The following CEP112 variants were observed in gnomAD, a reference collection of about 807,000 sequenced individuals.
The protein encoded by CEP112 is centrosomal protein 112, also known as centrosomal protein of 112 kDa.
CEP112 carries 127 observed loss-of-function variants against 153.0 expected under a neutral mutation model. The ratio of observed to expected loss-of-function variants is 0.83; its 90% CI spans 0.72 to 0.96. CEP112 has a LOEUF of 0.96. Ranked by LOEUF, CEP112 falls within the 40% of genes least tolerant of loss-of-function variation. CEP112 has a pLI of 0.00. For missense variants in CEP112, 1,089 were observed against 1,101.2 expected (o/e 0.99, Z 0.16); for synonymous variants, 358 against 374.4 (o/e 0.96, Z 0.51).
rs373727444 is a variant in CEP112 at position 66,049,578 on chromosome 17, C to G, written c.1218+4158G>C. On this transcript the variant is annotated intron_variant, in intron 12 of 26. Transcript: ENST00000535342. ...CAGCCTGGCCAACATGGCAAAACTCCATCTCTACTAAAAATACAAAAATCA... is the reference window on the plus strand; with the variant it reads ...CAGCCTGGCCAACATGGCAAAACTCGATCTCTACTAAAAATACAAAAATCA... Among the ~76,000 whole-genome samples, 10 of 152,166 alleles carry G rather than the reference C, an allele frequency of 6.6e-5. No homozygotes were observed. The Middle Eastern group carries it at 0.014, about 207-fold the overall frequency.
At chr17:65,717,315 A>G (rs1225677760) in intron 23 of CEP112, among the ~76,000 whole-genome samples, 1 of 152,190 alleles carries the variant, frequency 6.6e-6, no homozygotes, top group Non-Finnish European at 1.5e-5. Context: ...TTCAGCACAC[A>G]TGTCCTGTCT....
chr17:65,891,953 C>T (rs2059482726), intron 20 of CEP112, among the ~76,000 whole-genome samples: 1 of 152,178 alleles, frequency 6.6e-6, no homozygotes, highest in Non-Finnish European at 1.5e-5. Flanking sequence ...TGTATCATAT[C>T]TCTCAATTTT....
At chr17:65,776,758 T>C (rs1431551362) in intron 21 of CEP112, among the ~76,000 whole-genome samples, 1 of 140,004 alleles carries the variant, frequency 7.1e-6, no homozygotes, top group African/African-American at 2.5e-5. Flanking sequence ...AGTCAATGGA[T>C]AGAAATGGTT....
intron 25 of CEP112, among the ~76,000 whole-genome samples, chr17:65,640,154 ATTTTT>A (rs529025836): frequency 1.3e-5 from 1 of 78,342 alleles, no homozygotes; most frequent in Non-Finnish European, 2.1e-5. Flanking sequence ...ATATATATAT[ATTTTT>A]TTTTTTTTTT....
intron 19 of CEP112, among the ~76,000 whole-genome samples, chr17:65,924,679 C>G (rs2060857751): frequency 6.6e-6 from 1 of 152,140 alleles, no homozygotes; most frequent in Non-Finnish European, 1.5e-5. Flanking sequence ...CCTACCTCTA[C>G]AAAATATGCT....
chr17:65,969,684 A>G (rs1182558182), intron 17 of CEP112, among the ~76,000 whole-genome samples: 1 of 152,218 alleles, frequency 6.6e-6, no homozygotes, highest in Non-Finnish European at 1.5e-5. Flanking sequence ...ATGCATGTGT[A>G]TTGTATGCAT....
rs192985079 is a variant in CEP112, at chr17:65,910,295, T to C, written c.1981-7961A>G. On this transcript the variant is annotated intron_variant, in intron 19 of 26. Transcript: ENST00000535342. ...AGAGGAGGACTGACAGGCTGAAAAG[T>C]AGTCAAAGAGAATTCATGAATATTA... is the stretch of plus-strand genomic sequence containing the variant. Among the ~76,000 whole-genome samples the C allele has an allele frequency of 7.2e-5, 11 of 152,256 alleles. No individual in the cohort carries two copies. The East Asian group carries it at 1.9e-3, about 27-fold the overall frequency.
In CEP112 at chr17:65,640,984, T is replaced by C. The variant is rs1309615531; in HGVS notation, c.2779A>G (p.Ile927Val). The C allele has an allele frequency of 3.7e-6, 6 of 1,601,650 alleles. No individual in the cohort carries two copies. The South Asian group carries it at 5.5e-5, about 15-fold the overall frequency. The change falls in exon 25 of 27, where the codon ATT becomes GTT. Residue 927 changes from isoleucine (I) to valine (V), a missense_variant. By Grantham distance (29) the Ile-to-Val change is conservative. Coordinates refer to ENST00000535342, the MANE Select transcript of CEP112 (RefSeq NM_001199165.4). ...ATTACCTGTGATTTTAGGGAGGAAA[T>C]GGTGTCTTCAAGTTCTTGTCTTAGG... ...ASLRQELEDTISSLKSQVNFL... is the reference protein window; with the variant it reads ...ASLRQELEDTVSSLKSQVNFL...
chr17:66,055,789 A>G (rs569171330), intron 11 of CEP112, among the ~76,000 whole-genome samples: 49 of 152,290 alleles, frequency 3.2e-4, no homozygotes, highest in Non-Finnish European at 5.9e-4. Context: ...AAGGGTAAAA[A>G]TGGCACTGGC....
At chr17:65,716,515 A>AG (rs1319901078) in intron 23 of CEP112, among the ~76,000 whole-genome samples, 2 of 152,106 alleles carry the variant, frequency 1.3e-5, no homozygotes, top group African/African-American at 4.8e-5. Flanking sequence ...GGGAAGGTAG[A>AG]GCGGGGCAGG....
At chr17:65,996,128 ACGTGTG>A (rs779311679) in intron 17 of CEP112, among the ~76,000 whole-genome samples, 4 of 91,678 alleles carry the variant, frequency 4.4e-5, no homozygotes, top group Admixed American at 1.5e-4. Context: ...GGAAAAATAT[ACGTGTG>A]TGTGTGTGTG....
intron 6 of CEP112, among the ~76,000 whole-genome samples, chr17:66,104,660 A>G (rs901927379): frequency 6.6e-6 from 1 of 152,176 alleles, no homozygotes; most frequent in Non-Finnish European, 1.5e-5. Flanking sequence ...AGTAGGGAAG[A>G]GCACCAAGCA....
chr17:65,905,521 C>T (rs2060038519), intron 19 of CEP112, among the ~76,000 whole-genome samples: 1 of 152,180 alleles, frequency 6.6e-6, no homozygotes, highest in African/African-American at 2.4e-5. Context: ...ATTAGTTCAA[C>T]CACTGTGGAA....
intron 21 of CEP112, among the ~76,000 whole-genome samples, chr17:65,828,351 G>A (rs2056930052): frequency 6.6e-6 from 1 of 152,148 alleles, no homozygotes; most frequent in Admixed American, 6.5e-5. Flanking sequence ...AACTTCCATG[G>A]CAATTCCCTA....
At chr17:65,842,685 T>C (rs552071556) in intron 21 of CEP112, among the ~76,000 whole-genome samples, 1 of 152,288 alleles carries the variant, frequency 6.6e-6, no homozygotes, top group South Asian at 2.1e-4. Context: ...GGACTCACTG[T>C]GATACGAGTG....
intron 8 of CEP112, among the ~76,000 whole-genome samples, chr17:66,084,420 C>T (rs1234713429): frequency 6.6e-6 from 1 of 152,196 alleles, no homozygotes; most frequent in Non-Finnish European, 1.5e-5. Flanking sequence ...AAGTATCCAT[C>T]AGCGGATGAA....
At chr17:65,849,582 T>C (rs2057853147) in intron 21 of CEP112, among the ~76,000 whole-genome samples, 1 of 152,206 alleles carries the variant, frequency 6.6e-6, no homozygotes, top group Non-Finnish European at 1.5e-5. Flanking sequence ...AAGAGGCATT[T>C]GGAATGTGAA....
chr17:66,052,514 A>C (rs370215494), intron 12 of CEP112, among the ~76,000 whole-genome samples: 7 of 152,244 alleles, frequency 4.6e-5, no homozygotes, highest in African/African-American at 1.7e-4. Flanking sequence ...ATATATATAT[A>C]ATCAATGAAG....
chr17:65,939,536 A>G (rs1469651643), intron 18 of CEP112, among the ~76,000 whole-genome samples: 2 of 152,224 alleles, frequency 1.3e-5, no homozygotes, highest in Non-Finnish European at 2.9e-5. Context: ...TATAGGCACA[A>G]GAGCTGATAC....
Sources: gnomAD v4.1 joint callset for allele counts (sites outside exome capture counted in the v4.1 genomes callset) on GRCh38, gnomAD v4.1.1 for gene constraint, MANE v1.5 for transcripts, NCBI Gene and HGNC (gene_info 2026-07-23, HGNC 2026-07-21) for gene names.